The following CDIN1 variants were observed in gnomAD, a reference collection of about 807,000 sequenced individuals.
The protein encoded by CDIN1 is CDAN1 interacting nuclease 1, also known as CDAN1-interacting nuclease 1.
CDIN1 carries 33 observed loss-of-function variants against 45.3 expected under a neutral mutation model. That is an observed-to-expected ratio of 0.73 (90% CI 0.55 to 0.97). CDIN1 has a LOEUF of 0.97. Ranked by LOEUF, CDIN1 falls within the 50% of genes least tolerant of loss-of-function variation. The pLI is 0.00. For missense variants in CDIN1, 303 were observed against 339.4 expected, an observed-to-expected ratio of 0.89 and a Z score of 0.84; for synonymous variants, 118 against 124.4, an observed-to-expected ratio of 0.95 and a Z score of 0.34.
At chr15:36,759,260 G>GA (rs2053692663) in intron 10 of CDIN1, among the ~76,000 whole-genome samples, 1 of 152,068 alleles carries the variant, frequency 6.6e-6, no homozygotes, top group South Asian at 2.1e-4. Context: ...GAACAAAGGA[G>GA]AATTTGGCTT....
chr15:36,703,615 G>T (rs1032044603), intron 8 of CDIN1, among the ~76,000 whole-genome samples: 1 of 151,692 alleles, frequency 6.6e-6, no homozygotes, highest in Non-Finnish European at 1.5e-5. Context: ...TACAGGCTAG[G>T]GTTTTGCTCA....
intron 5 of CDIN1, 82 bp from the exon 6 acceptor site, chr15:36,691,603 A>T: frequency 1.2e-6 from 1 of 830,478 alleles, no homozygotes; most frequent in Non-Finnish European, 1.9e-6. Flanking sequence ...TGGTTTGTGT[A>T]TATGTAGATA....
intron 10 of CDIN1, among the ~76,000 whole-genome samples, chr15:36,732,279 A>G (rs1566937054): frequency 6.6e-6 from 1 of 152,156 alleles, no homozygotes; most frequent in African/African-American, 2.4e-5. Flanking sequence ...CAAAGGCACA[A>G]AAAAAATTTA....
intron 1 of CDIN1, among the ~76,000 whole-genome samples, chr15:36,588,403 A>C (rs970696331): frequency 2.0e-5 from 3 of 152,164 alleles, no homozygotes; most frequent in African/African-American, 7.2e-5. Context: ...TCAATTTTCT[A>C]CACTTCTGAT....
At chr15:36,653,780 T>G (rs1481533717) in intron 3 of CDIN1, among the ~76,000 whole-genome samples, 1 of 152,248 alleles carries the variant, frequency 6.6e-6, no homozygotes, top group Non-Finnish European at 1.5e-5. Context: ...AATGGTTGTC[T>G]GTGGTAGAGA....
intron 10 of CDIN1, among the ~76,000 whole-genome samples, chr15:36,784,563 CCTT>C (rs1183593091): frequency 1.3e-5 from 2 of 152,056 alleles, no homozygotes; most frequent in Non-Finnish European, 2.9e-5. Flanking sequence ...TTCCTGTTGC[CCTT>C]ATTATATTTG....
At chr15:36,759,650 C>A (rs772301741) in intron 10 of CDIN1, among the ~76,000 whole-genome samples, 1 of 152,080 alleles carries the variant, frequency 6.6e-6, no homozygotes, top group East Asian at 1.9e-4. Flanking sequence ...TTCTTATACC[C>A]CTATAAAGAA....
chr15:36,603,463 G>T (rs2038210477), intron 1 of CDIN1, among the ~76,000 whole-genome samples: 1 of 152,076 alleles, frequency 6.6e-6, no homozygotes, highest in South Asian at 2.1e-4. Flanking sequence ...AGTAATTTTT[G>T]AATTTTATCC....
At chr15:36,713,533 T>C (rs2043127022) in intron 10 of CDIN1, among the ~76,000 whole-genome samples, 1 of 152,180 alleles carries the variant, frequency 6.6e-6, no homozygotes. Flanking sequence ...TCTGGTCCCA[T>C]GACTGGGAGC....
At chr15:36,585,065 A>G (rs1204845122) in intron 1 of CDIN1, among the ~76,000 whole-genome samples, 1 of 152,178 alleles carries the variant, frequency 6.6e-6, no homozygotes, top group Non-Finnish European at 1.5e-5. Flanking sequence ...ATCAGCTGTT[A>G]CTTATAAGGT....
intron 10 of CDIN1, among the ~76,000 whole-genome samples, chr15:36,740,807 T>C (rs1176467914): frequency 1.3e-5 from 2 of 151,594 alleles, no homozygotes; most frequent in African/African-American, 4.9e-5. Flanking sequence ...GAGAATCGCT[T>C]GAACCCAGGA....
At chr15:36,655,278 C>A (rs189182596) in intron 4 of CDIN1, among the ~76,000 whole-genome samples, 3 of 149,400 alleles carry the variant, frequency 2.0e-5, no homozygotes, top group South Asian at 2.1e-4. Context: ...GTATTTTATT[C>A]TTTTTTTGTT....
chr15:36,658,794 T>A (rs1251341229), intron 5 of CDIN1, among the ~76,000 whole-genome samples: 1 of 152,204 alleles, frequency 6.6e-6, no homozygotes, highest in Non-Finnish European at 1.5e-5. Context: ...TTTATTTTTT[T>A]ATATTTTGTC....
chr15:36,640,228 G>A (rs1418533041), intron 1 of CDIN1, among the ~76,000 whole-genome samples: 1 of 152,062 alleles, frequency 6.6e-6, no homozygotes, highest in Non-Finnish European at 1.5e-5. Context: ...ATTTGTGTGT[G>A]GTATGTGTGT....
chr15:36,709,062 T>C, intron 8 of CDIN1, 161 bp from the exon 9 acceptor site: 1 of 475,976 alleles, frequency 2.1e-6, no homozygotes, highest in East Asian at 3.3e-5. Context: ...TTCAGTGTTG[T>C]TCAGAAAGTT....
chr15:36,731,261 T>G (rs1388280171), intron 10 of CDIN1, among the ~76,000 whole-genome samples: 1 of 152,108 alleles, frequency 6.6e-6, no homozygotes, highest in Non-Finnish European at 1.5e-5. Context: ...AGGTTAAGCT[T>G]CCTGTGTCAT....
At chr15:36,662,891 A>G (rs1260994617) in intron 5 of CDIN1, among the ~76,000 whole-genome samples, 1 of 99,848 alleles carries the variant, frequency 1.0e-5, no homozygotes, top group African/African-American at 3.9e-5. Context: ...AAATATTTTC[A>G]TTATACTTAC....
chr15:36,686,217 A>G (rs1474159305), intron 5 of CDIN1, among the ~76,000 whole-genome samples: 1 of 151,704 alleles, frequency 6.6e-6, no homozygotes, highest in African/African-American at 2.4e-5. Context: ...ACACCATGGA[A>G]TACTATGCAG....
intron 1 of CDIN1, among the ~76,000 whole-genome samples, chr15:36,596,180 A>G (rs971375330): frequency 7.2e-5 from 5 of 68,976 alleles, no homozygotes; most frequent in African/African-American, 3.0e-4. Flanking sequence ...ATGTGAAAAA[A>G]AAAAGCTCAT....
Sources: allele counts gnomAD v4.1 joint callset (sites outside exome capture counted in the v4.1 genomes callset), GRCh38; gene constraint gnomAD v4.1.1; transcripts MANE v1.5; gene names NCBI Gene and HGNC (gene_info 2026-07-23, HGNC 2026-07-21).